Variants in CYP46A1 observed in about 807,000 individuals in gnomAD.
CYP46A1 encodes cholesterol 24-hydroxylase.
Under a neutral mutation model 63.3 loss-of-function variants are expected in CYP46A1, and 20 were observed. That is an observed-to-expected ratio of 0.32 (90% CI 0.22 to 0.46). The LOEUF (loss-of-function observed/expected upper bound fraction) is 0.46, where lower values mean the gene tolerates loss of function less well. Ranked by LOEUF, CYP46A1 falls within the 20% of genes least tolerant of loss-of-function variation. The probability of loss-of-function intolerance (pLI) is 1.00; values close to 1 mark genes in which losing one functional copy is unlikely to be tolerated. For synonymous variants in CYP46A1, 268 were observed against 273.6 expected, an observed-to-expected ratio of 0.98 and a Z score of 0.20; for missense variants, 445 against 670.8, an observed-to-expected ratio of 0.66 and a Z score of 3.72.
At chr14:99,719,236 T>G (rs1190400928) in intron 10 of CYP46A1, among the ~76,000 whole-genome samples, 1 of 152,192 alleles carries the variant, frequency 6.6e-6, no homozygotes, top group African/African-American at 2.4e-5. Context: ...TTTTACTTTT[T>G]TGAGACAGAG....
intron 12 of CYP46A1, among the ~76,000 whole-genome samples, chr14:99,724,006 C>A (rs2056872177): frequency 6.6e-6 from 1 of 152,164 alleles, no homozygotes; most frequent in South Asian, 2.1e-4. Context: ...AGGTTGGTTT[C>A]TTCTGAGGGC....
At chr14:99,695,366 TA>T (rs2056578400) in intron 3 of CYP46A1, 1 of 371,462 alleles carries the variant, frequency 2.7e-6, no homozygotes, top group Admixed American at 3.5e-5. Flanking sequence ...CTACTTGTTC[TA>T]GTGGTTGCAG....
chr14:99,722,776 G>A lies in CYP46A1; in HGVS notation c.1176+710G>A. ...TGTAGGTTTCTCCACAAGGCCGTAGGACAACCACCATCGCTGATCAGTTCT... is the reference window on the plus strand; with the variant it reads ...TGTAGGTTTCTCCACAAGGCCGTAGAACAACCACCATCGCTGATCAGTTCT... On this transcript the variant is annotated intron_variant, in intron 12 of 14. Coordinates refer to ENST00000261835, the MANE Select transcript of CYP46A1 (RefSeq NM_006668.2). The surrounding 1 kb of genome is among the most constrained non-coding windows in gnomAD (Gnocchi z 4.6). The A allele has an allele frequency of 3.0e-6, 1 of 338,556 alleles. No individual in the cohort carries two copies. The highest frequency in any genetic ancestry group is 2.3e-5 in the South Asian group (1 of 43,512). 21.0% of individuals were successfully genotyped at this position (338,556 alleles called of 1,614,324 possible). A position where few individuals can be genotyped will look rare whatever the true frequency, so the allele number is the denominator to read the frequency against.
At chr14:99,710,714 A>T (rs1272443603) in intron 7 of CYP46A1, 1 of 152,188 alleles carries the variant, frequency 6.6e-6, no homozygotes, top group East Asian at 1.9e-4. Flanking sequence ...CTAATACAGT[A>T]ATAGCTGGGG....
In CYP46A1 at chr14:99,722,298, A is replaced by G. The variant is rs2056854863; in HGVS notation, c.1176+232A>G. ...GGTCATTCTGGAAGGGAGGTGCCCC[A>G]TTTACAGCTGAGGACACTGAGGTTC... On this transcript the variant is annotated intron_variant, in intron 12 of 14. Coordinates refer to ENST00000261835, the MANE Select transcript of CYP46A1 (RefSeq NM_006668.2). This position sits in a 1 kb window ranked among gnomAD's most constrained non-coding sequence, Gnocchi z 4.6. Among the ~76,000 whole-genome samples the G allele has an allele frequency of 1.3e-5, 2 of 152,034 alleles. No homozygotes were observed. The highest frequency in any genetic ancestry group is 4.1e-4 in the South Asian group (2 of 4,820).
chr14:99,697,752 C>T (rs2056598290), intron 3 of CYP46A1, among the ~76,000 whole-genome samples: 2 of 152,178 alleles, frequency 1.3e-5, no homozygotes, highest in Admixed American at 6.5e-5. Context: ...GTGCATTCCT[C>T]ACATCCCATA....
In CYP46A1 at chr14:99,726,791, A is replaced by G. The variant is rs1156881639; in HGVS notation, c.*64A>G. 2 of 1,308,612 alleles carry G rather than the reference A, an allele frequency of 1.5e-6. No homozygotes were observed. The highest frequency in any genetic ancestry group is 2.0e-6 in the Non-Finnish European group (2 of 987,700). 81.1% of individuals were successfully genotyped at this position (1,308,612 alleles called of 1,614,324 possible). A position where few individuals can be genotyped will look rare whatever the true frequency, so the allele number is the denominator to read the frequency against. On this transcript the variant is annotated 3_prime_UTR_variant, in exon 15 of 15. Transcript: ENST00000261835. ...CCGTGCCCGCCCACCTCTGCTGCCC[A>G]CGGCCACCCACCCTTCTCCCCTGCC...
At position 99,716,156 on chromosome 14, in the gene CYP46A1, C is replaced by T. The variant is rs751098169; in HGVS notation, c.864C>T (p.Asp288=). 65 of 1,614,118 alleles carry T rather than the reference C, an allele frequency of 4.0e-5. No individual in the cohort carries two copies. The highest frequency in any genetic ancestry group is 3.2e-4 in the Admixed American group (19 of 60,018). ...TTTCAGCTGAAGAGGGAGCCCAGGA[C>T]GACGAGGGTCTGCTGGACAACTTCG... ...QILKAEEGAQ[D]DEGLLDNFVT... The change falls in exon 9 of 15, where the codon GAC becomes GAT. Residue 288 remains aspartate (D), a synonymous_variant. Coordinates refer to ENST00000261835, the MANE Select transcript of CYP46A1 (RefSeq NM_006668.2).
At chr14:99,696,846 A>G (rs1293875574) in intron 3 of CYP46A1, among the ~76,000 whole-genome samples, 3 of 152,192 alleles carry the variant, frequency 2.0e-5, no homozygotes, top group African/African-American at 7.2e-5. Context: ...ATTCCTTTAG[A>G]GATTCTTTGA....
Position 99,716,144 on chromosome 14 carries a change from G to A in CYP46A1, c.852G>A (p.Glu284=), listed in dbSNP as rs1369519780. The change falls in exon 9 of 15, where the codon GAG becomes GAA. Residue 284 remains glutamate, a synonymous_variant. Coordinates refer to ENST00000261835, the MANE Select transcript of CYP46A1 (RefSeq NM_006668.2). ...DILTQILKAE[E]GAQDDEGLLD... ...ACTCTCCTTGTTTTTCAGCTGAAGA[G>A]GGAGCCCAGGACGACGAGGGTCTGC... 1.2e-6 allele frequency: 2 copies of A among 1,614,242 alleles called. No homozygotes were observed. The highest frequency in any genetic ancestry group is 2.2e-5 in the East Asian group (1 of 44,888).
intron 4 of CYP46A1, 143 bp downstream of exon 4, chr14:99,699,682 G>A (rs2056613996): frequency 2.3e-6 from 2 of 870,094 alleles, no homozygotes; most frequent in Non-Finnish European, 3.8e-6. Flanking sequence ...CCCGTAAACA[G>A]TGGCCCCACT....
intron 3 of CYP46A1, among the ~76,000 whole-genome samples, 189 bp downstream of exon 3, chr14:99,692,050 T>C (rs2056548537): frequency 6.6e-6 from 1 of 152,146 alleles, no homozygotes; most frequent in South Asian, 2.1e-4. Context: ...CTTGCAAGCA[T>C]TGCCTTTTGA....
chr14:99,715,461 C>T (rs181155046), intron 7 of CYP46A1, among the ~76,000 whole-genome samples: 1 of 152,262 alleles, frequency 6.6e-6, no homozygotes, highest in Non-Finnish European at 1.5e-5. Flanking sequence ...GTCTTTTTGG[C>T]AGTTGATCGC....
intron 3 of CYP46A1, 92 bp from the exon 4 acceptor site, chr14:99,699,374 C>G (rs1195930062): frequency 1.6e-6 from 2 of 1,243,314 alleles, no homozygotes; most frequent in African/African-American, 3.0e-5. Flanking sequence ...TGAGACTCAG[C>G]CAATGGTGAT....
At chr14:99,702,834 TAATC>T (rs2056643851) in intron 5 of CYP46A1, among the ~76,000 whole-genome samples, 1 of 152,256 alleles carries the variant, frequency 6.6e-6, no homozygotes, top group African/African-American at 2.4e-5. Context: ...TTAATAATAT[TAATC>T]TAATACTGTT....
At chr14:99,692,089 C>T (rs1395929955) in intron 3 of CYP46A1, among the ~76,000 whole-genome samples, 1 of 152,168 alleles carries the variant, frequency 6.6e-6, no homozygotes, top group Non-Finnish European at 1.5e-5. Flanking sequence ...ACCTTGCTGT[C>T]CCCATTTGGG....
Position 99,722,919 on chromosome 14 carries a change from C to T in CYP46A1, c.1176+853C>T. On this transcript the variant is annotated intron_variant, in intron 12 of 14. Transcript: ENST00000261835. The surrounding 1 kb of genome is among the most constrained non-coding windows in gnomAD (Gnocchi z 4.6). Reference sequence around the variant, plus strand: ...TGCAAGCCAGCTCCTCGGACATTTACCCAGAAGTGAGAGGGCTGGGTTGTA... The same window carrying T: ...TGCAAGCCAGCTCCTCGGACATTTATCCAGAAGTGAGAGGGCTGGGTTGTA... 2.2e-6 allele frequency: 1 copy of T among 454,186 alleles called. No homozygotes were observed. Among genetic ancestry groups the T allele is most frequent in the Non-Finnish European group, 4.4e-6 (1 of 225,294 alleles). 28.1% of individuals were successfully genotyped at this position (454,186 alleles called of 1,614,324 possible).
At chr14:99,695,417 T>C in intron 3 of CYP46A1, 1 of 430,432 alleles carries the variant, frequency 2.3e-6, no homozygotes, top group East Asian at 7.9e-5. Flanking sequence ...TAGATTTATC[T>C]ATTTCTACTT....
At chr14:99,715,745 TGGGGGAG>T in intron 7 of CYP46A1, 58 bp from the exon 8 acceptor site, 1 of 1,602,078 alleles carries the variant, frequency 6.2e-7, no homozygotes, top group South Asian at 1.1e-5. Context: ...TTCGGGGTGG[TGGGGGAG>T]AGGGGAGAGG....
Sources: allele counts gnomAD v4.1 joint callset (sites outside exome capture counted in the v4.1 genomes callset), GRCh38; gene constraint gnomAD v4.1.1; non-coding constraint Gnocchi (gnomAD v3.1); transcripts MANE v1.5; gene names NCBI Gene and HGNC (gene_info 2026-07-23, HGNC 2026-07-21).